The following ANO2 variants were observed in gnomAD, a reference collection of about 807,000 sequenced individuals.
The protein encoded by ANO2 is anoctamin 2.
Under a neutral mutation model 124.2 loss-of-function variants are expected in ANO2, and 101 were observed. The observed-to-expected ratio is 0.81, with a 90% CI of 0.69 to 0.96. The LOEUF is 0.96. ANO2 is among the 40% of genes least tolerant of loss of function. The pLI is 0.00. For missense variants in ANO2, 1,293 were observed against 1,274.5 expected (o/e 1.01, Z -0.22); for synonymous variants, 486 against 482.5 (o/e 1.01, Z -0.09).
chr12:5,884,834 G>T (rs563381598), intron 3 of ANO2, among the ~76,000 whole-genome samples: 1 of 152,244 alleles, frequency 6.6e-6, no homozygotes, highest in South Asian at 2.1e-4. Flanking sequence ...TGATGAAGAA[G>T]GGCAAACACA....
intron 19 of ANO2, among the ~76,000 whole-genome samples, chr12:5,603,932 G>A (rs753313169): frequency 3.2e-4 from 34 of 107,284 alleles, no homozygotes; most frequent in Non-Finnish European, 5.1e-4. Context: ...GTGAAAGAGC[G>A]AGATTCCGTC....
At chr12:5,614,681 A>G (rs867589703) in intron 17 of ANO2, among the ~76,000 whole-genome samples, 1 of 152,200 alleles carries the variant, frequency 6.6e-6, no homozygotes. Flanking sequence ...CTAGTGAATT[A>G]TTGAATCTGA....
At chr12:5,824,265 AG>A (rs1565699237) in intron 7 of ANO2, among the ~76,000 whole-genome samples, 1 of 152,238 alleles carries the variant, frequency 6.6e-6, no homozygotes, top group Non-Finnish European at 1.5e-5. Flanking sequence ...TCATATAGTC[AG>A]GCTGCAAATT....
At chr12:5,858,443 T>C (rs530187039) in intron 3 of ANO2, among the ~76,000 whole-genome samples, 6 of 152,314 alleles carry the variant, frequency 3.9e-5, no homozygotes, top group Non-Finnish European at 5.9e-5. Flanking sequence ...GCTTCCCTCA[T>C]AGTTTAGAGA....
chr12:5,910,798 C>T (rs1426651350), intron 3 of ANO2, among the ~76,000 whole-genome samples: 1 of 152,102 alleles, frequency 6.6e-6, no homozygotes, highest in African/African-American at 2.4e-5. Context: ...CCAAGAACCA[C>T]CCTCATCATC....
At chr12:5,576,199 A>T (rs1191567376) in intron 22 of ANO2, among the ~76,000 whole-genome samples, 184 bp from the exon 23 acceptor site, 1 of 152,216 alleles carries the variant, frequency 6.6e-6, no homozygotes, top group Non-Finnish European at 1.5e-5. Context: ...TATAAGTATA[A>T]TAAGTCCACC....
At chr12:5,814,742 G>T (rs1286142226) in intron 7 of ANO2, among the ~76,000 whole-genome samples, 1 of 152,228 alleles carries the variant, frequency 6.6e-6, no homozygotes, top group Admixed American at 6.5e-5. Context: ...TGAGTGAATG[G>T]ATGTTATACT....
intron 4 of ANO2, among the ~76,000 whole-genome samples, chr12:5,852,847 A>ATGTGTGTGTGTG (rs1565723623): frequency 2.0e-5 from 1 of 48,850 alleles, no homozygotes; most frequent in African/African-American, 7.1e-5. Flanking sequence ...ATGGAAAGGG[A>ATGTGTGTGTGTG]CGTGTGTGTG....
At position 5,590,073 on chromosome 12, in the gene ANO2, G is replaced by C. The variant is rs559204432; in HGVS notation, c.2233+9411C>G. On this transcript the variant is annotated intron_variant, in intron 20 of 24. Coordinates refer to ENST00000682330, the MANE Select transcript of ANO2 (RefSeq NM_001364791.2). ...AAGAAAAAGCAAAAGCACCAGGGAG[G>C]AGGCAGGGCAGACACAGCAGATTCC... Among the ~76,000 whole-genome samples the C allele has an allele frequency of 1.5e-3, 227 of 152,192 alleles. 1 individual carries two copies. The highest frequency in any genetic ancestry group is 3.4e-3 in the Middle Eastern group (1 of 292).
At chr12:5,673,982 T>C (rs1441514018) in intron 14 of ANO2, among the ~76,000 whole-genome samples, 1 of 152,172 alleles carries the variant, frequency 6.6e-6, no homozygotes, top group Non-Finnish European at 1.5e-5. Flanking sequence ...CCCACTCCTC[T>C]TCTGGTTCTC....
intron 15 of ANO2, among the ~76,000 whole-genome samples, chr12:5,644,530 T>C (rs954594699): frequency 6.6e-6 from 1 of 152,230 alleles, no homozygotes; most frequent in Admixed American, 6.5e-5. Flanking sequence ...TTGTTCTATT[T>C]ATTGTCCACC....
intron 14 of ANO2, among the ~76,000 whole-genome samples, chr12:5,692,182 C>T (rs369858): frequency 0.88 from 134,343 of 152,194 alleles, 59,386 homozygotes; most frequent in East Asian, 0.95. Flanking sequence ...GGACTAGGTT[C>T]GCAGTATGAA....
At chr12:5,645,414 C>CGT (rs1165887627) in intron 15 of ANO2, among the ~76,000 whole-genome samples, 2 of 151,002 alleles carry the variant, frequency 1.3e-5, no homozygotes, top group East Asian at 3.9e-4. Context: ...TATCCATGGT[C>CGT]GTGTGTGTGT....
intron 14 of ANO2, among the ~76,000 whole-genome samples, chr12:5,685,849 C>T (rs1157976386): frequency 6.6e-6 from 1 of 152,188 alleles, no homozygotes; most frequent in African/African-American, 2.4e-5. Flanking sequence ...GACTGCCTGG[C>T]TCGTCCAACA....
chr12:5,718,002 G>A (rs562368457), intron 14 of ANO2, among the ~76,000 whole-genome samples: 1 of 152,206 alleles, frequency 6.6e-6, no homozygotes, highest in Non-Finnish European at 1.5e-5. Context: ...AATCAGTAAG[G>A]AAACCACTAA....
intron 14 of ANO2, among the ~76,000 whole-genome samples, chr12:5,698,196 C>T (rs989853714): frequency 6.6e-6 from 1 of 152,244 alleles, no homozygotes; most frequent in Non-Finnish European, 1.5e-5. Flanking sequence ...AGGCACCTCC[C>T]AGTAGGGGCC....
chr12:5,823,743 A>C (rs1365858410), intron 7 of ANO2, among the ~76,000 whole-genome samples: 1 of 152,232 alleles, frequency 6.6e-6, no homozygotes, highest in Non-Finnish European at 1.5e-5. Context: ...TCTGTGTGGA[A>C]GCTTCAACCC....
At position 5,723,868 on chromosome 12, in the gene ANO2, G is replaced by A. The variant is rs140498018; in HGVS notation, c.1545+8652C>T. On this transcript the variant is annotated intron_variant, in intron 14 of 24. Coordinates refer to ENST00000682330, the MANE Select transcript of ANO2 (RefSeq NM_001364791.2). ...AAGGGGCAGTGTGCACAGATCCTCT[G>A]AAGCACAGGACTGCAGAGCTGAACC... Among the ~76,000 whole-genome samples the A allele has an allele frequency of 3.8e-3, 571 of 152,236 alleles. 4 individuals carry two copies. The highest frequency in any genetic ancestry group is 0.013 in the African/African-American group (539 of 41,526).
Position 5,787,408 on chromosome 12 carries a change from C to G in ANO2, c.1055+12099G>C, listed in dbSNP as rs1367560999. Among the ~76,000 whole-genome samples, 5 of 152,302 alleles carry G rather than the reference C, an allele frequency of 3.3e-5. No homozygotes were observed. In the East Asian group the frequency reaches 9.7e-4, roughly 29 times the overall value. ...AAGCATCTCCGCTACAGAGCTGAAG[C>G]TCCAGCATCCCAGTGCCTTCCCCCA... On this transcript the variant is annotated intron_variant, in intron 10 of 24. Transcript: ENST00000682330. This position sits in a 1 kb window ranked among gnomAD's most constrained non-coding sequence, Gnocchi z 4.2.
Sources: allele counts gnomAD v4.1 joint callset (sites outside exome capture counted in the v4.1 genomes callset), GRCh38; gene constraint gnomAD v4.1.1; non-coding constraint Gnocchi (gnomAD v3.1); transcripts MANE v1.5; gene names NCBI Gene and HGNC (gene_info 2026-07-23, HGNC 2026-07-21).